The following BBX variants were observed in gnomAD, a reference collection of about 807,000 sequenced individuals.
BBX encodes HMG box transcription factor BBX.
A neutral mutation model predicts 100.2 loss-of-function variants in BBX; 30 were observed. The observed-to-expected ratio is 0.30, with a 90% CI of 0.22 to 0.41. The LOEUF (loss-of-function observed/expected upper bound fraction) is 0.41, where lower values mean the gene tolerates loss of function less well. BBX is among the 10% of genes least tolerant of loss of function. BBX has a pLI of 1.00. For synonymous variants in BBX, 376 were observed against 388.1 expected (o/e 0.97, Z 0.37); for missense variants, 1,023 against 1,129.8 (o/e 0.91, Z 1.35).
intron 2 of BBX, among the ~76,000 whole-genome samples, chr3:107,581,246 T>TTA (rs1011482755): frequency 6.6e-6 from 1 of 152,092 alleles, no homozygotes; most frequent in East Asian, 1.9e-4. Flanking sequence ...TATTATACAC[T>TTA]TATATATATA....
intron 3 of BBX, among the ~76,000 whole-genome samples, chr3:107,670,084 T>A (rs1342162669): frequency 6.6e-6 from 1 of 152,152 alleles, no homozygotes; most frequent in Non-Finnish European, 1.5e-5. Context: ...ATGTTATGTA[T>A]TAGACTTAGC....
At chr3:107,791,687 G>A (rs1435251530) in intron 15 of BBX, among the ~76,000 whole-genome samples, 2 of 152,118 alleles carry the variant, frequency 1.3e-5, no homozygotes, top group Non-Finnish European at 2.9e-5. Flanking sequence ...CTTCTGACCT[G>A]GGTGTTTTCC....
At chr3:107,619,947 G>A (rs1347147509) in intron 2 of BBX, among the ~76,000 whole-genome samples, 1 of 152,070 alleles carries the variant, frequency 6.6e-6, no homozygotes, top group Non-Finnish European at 1.5e-5. Flanking sequence ...CAGTTGGGAA[G>A]TTTTCAGCCA....
At chr3:107,710,403 C>T in intron 3 of BBX, 49 bp from the exon 4 acceptor site, 1 of 1,458,574 alleles carries the variant, frequency 6.9e-7, no homozygotes, top group Non-Finnish European at 9.3e-7. Context: ...CTCGGTGTCT[C>T]TCTTTCTCTC....
At chr3:107,766,912 G>A (rs970725547) in intron 10 of BBX, among the ~76,000 whole-genome samples, 1 of 152,184 alleles carries the variant, frequency 6.6e-6, no homozygotes, top group African/African-American at 2.4e-5. Flanking sequence ...GCAAGGACAT[G>A]GATGAAGCTG....
intron 3 of BBX, among the ~76,000 whole-genome samples, chr3:107,650,096 G>A (rs1379181579): frequency 6.6e-6 from 1 of 152,040 alleles, no homozygotes; most frequent in African/African-American, 2.4e-5. Flanking sequence ...GATTTTTATG[G>A]TGCTGTTCCC....
intron 15 of BBX, among the ~76,000 whole-genome samples, chr3:107,796,393 T>G (rs931166659): frequency 6.6e-6 from 1 of 152,236 alleles, no homozygotes; most frequent in African/African-American, 2.4e-5. Context: ...GTTCTGTACT[T>G]TCCTGGGAAG....
intron 5 of BBX, among the ~76,000 whole-genome samples, chr3:107,718,279 TTG>T (rs1286442184): frequency 3.5e-5 from 5 of 144,512 alleles, no homozygotes; most frequent in Admixed American, 1.4e-4. Flanking sequence ...TATAATATGA[TTG>T]TTAATTATAA....
Position 107,774,829 on chromosome 3 carries a change from A to G in BBX, c.2026A>G (p.Thr676Ala), listed in dbSNP as rs2067195344. ...GTSGSKKFKK[T>A]KPKEDCLLGS... ...CAGTGGGAGCAAGAAGTTCAAGAAGACAAAGCCAAAAGAAGACTGTCTCCT... is the reference window on the plus strand; with the variant it reads ...CAGTGGGAGCAAGAAGTTCAAGAAGGCAAAGCCAAAAGAAGACTGTCTCCT... Residue 676 changes from threonine to alanine, a missense_variant, in exon 12 of 18, where the codon ACA (threonine) becomes GCA (alanine). Physicochemically the swap from Thr to Ala is moderately conservative, Grantham distance 58. Coordinates refer to ENST00000325805, the MANE Select transcript of BBX (RefSeq NM_001142568.3). 1 of 1,613,484 alleles carries G rather than the reference A, an allele frequency of 6.2e-7. No homozygotes were observed. Among genetic ancestry groups the G allele is most frequent in the Admixed American group, 1.7e-5 (1 of 59,940 alleles).
intron 9 of BBX, among the ~76,000 whole-genome samples, chr3:107,755,155 A>G (rs1029544556): frequency 2.0e-5 from 3 of 152,204 alleles, no homozygotes; most frequent in Non-Finnish European, 2.9e-5. Flanking sequence ...GCACATATAT[A>G]TTGGATTCTA....
intron 2 of BBX, among the ~76,000 whole-genome samples, chr3:107,605,610 C>T (rs781645294): frequency 6.6e-6 from 1 of 152,168 alleles, no homozygotes. Flanking sequence ...CTACCACCCT[C>T]TCACCACCCA....
chr3:107,550,883 C>T (rs748931620), intron 2 of BBX, among the ~76,000 whole-genome samples: 4 of 152,136 alleles, frequency 2.6e-5, no homozygotes, highest in Admixed American at 2.0e-4. Context: ...ATTTTAGAGG[C>T]GGAATTGACA....
Position 107,773,169 on chromosome 3 carries a change from T to C in BBX, c.1448T>C (p.Ile483Thr). The C allele has an allele frequency of 6.2e-7, 1 of 1,614,084 alleles. No individual in the cohort carries two copies. Among genetic ancestry groups the C allele is most frequent in the Non-Finnish European group, 8.5e-7 (1 of 1,179,994 alleles). ...CKKRQSSESD[I>T]ESVIYTIEAV... is the part of the protein sequence containing the mutation. ...AAGAGGCAGTCTTCGGAATCTGACA[T>C]TGAGAGCGTCATATATACCATTGAA... is the stretch of plus-strand genomic sequence containing the variant. The change falls in exon 11 of 18, where the codon ATT becomes ACT. Residue 483 changes from isoleucine (I) to threonine (T), a missense_variant. Ile to Thr is a moderately conservative substitution (Grantham distance 89). Coordinates refer to ENST00000325805, the MANE Select transcript of BBX (RefSeq NM_001142568.3). This position sits in a 1 kb window ranked among gnomAD's most constrained non-coding sequence, Gnocchi z 4.1.
At chr3:107,614,438 A>T (rs2055096879) in intron 2 of BBX, among the ~76,000 whole-genome samples, 1 of 151,036 alleles carries the variant, frequency 6.6e-6, no homozygotes, top group Non-Finnish European at 1.5e-5. Context: ...CCCAAAAAAA[A>T]TGGATGTCAA....
intron 2 of BBX, among the ~76,000 whole-genome samples, chr3:107,560,090 C>T (rs1457106433): frequency 6.6e-6 from 1 of 151,992 alleles, no homozygotes; most frequent in African/African-American, 2.4e-5. Flanking sequence ...GTTTTTTCCT[C>T]GTCGACTCAC....
Position 107,728,960 on chromosome 3 carries a change from G to A in BBX, c.601G>A (p.Asp201Asn), listed in dbSNP as rs1423245790. The change falls in exon 6 of 18, where the codon GAT becomes AAT. Residue 201 changes from aspartate to asparagine, a missense_variant and splice_region_variant. Asp to Asn is a conservative substitution (Grantham distance 23). Around this residue, in one of 9 missense-constraint regions of BBX, gnomAD observed 11 missense variants for 31.6 expected, o/e 0.35. Coordinates refer to ENST00000325805, the MANE Select transcript of BBX (RefSeq NM_001142568.3). ...EMPQLNFGMA[D>N]PTQMGGLSML... ...GCCTCAGCTTAACTTTGGAATGGCTGGTGAGTTGAGACACTATTTCCACCT... is the reference window on the plus strand; with the variant it reads ...GCCTCAGCTTAACTTTGGAATGGCTAGTGAGTTGAGACACTATTTCCACCT... 3 of 1,612,534 alleles carry A rather than the reference G, an allele frequency of 1.9e-6. No individual in the cohort carries two copies. The highest frequency in any genetic ancestry group is 1.3e-5 in the African/African-American group (1 of 74,794).
At chr3:107,634,896 CTCTT>C (rs2056762344) in intron 2 of BBX, among the ~76,000 whole-genome samples, 1 of 152,134 alleles carries the variant, frequency 6.6e-6, no homozygotes, top group Non-Finnish European at 1.5e-5. Context: ...AGCAAGTACT[CTCTT>C]TGTCTGGAAT....
rs186330574 is a variant in BBX at position 107,797,652 on chromosome 3, T to G, written c.2354-871T>G. On this transcript the variant is annotated intron_variant, in intron 15 of 17. Coordinates refer to ENST00000325805, the MANE Select transcript of BBX (RefSeq NM_001142568.3). ...CTCATATCTACACATCTTGTCTTACTTTTAAGTTAAGGTCAGGAGGGGGTA... is the reference window on the plus strand; with the variant it reads ...CTCATATCTACACATCTTGTCTTACGTTTAAGTTAAGGTCAGGAGGGGGTA... Among the ~76,000 whole-genome samples, 6 of 152,180 alleles carry G rather than the reference T, an allele frequency of 3.9e-5. No individual in the cohort carries two copies. In the East Asian group the frequency reaches 1.2e-3, roughly 30 times the overall value.
intron 2 of BBX, among the ~76,000 whole-genome samples, chr3:107,592,101 C>A (rs2053360452): frequency 6.6e-6 from 1 of 152,018 alleles, no homozygotes; most frequent in Non-Finnish European, 1.5e-5. Flanking sequence ...AACAGTCTCC[C>A]AGTTTAGTAT....
Sources: gnomAD v4.1 joint callset for allele counts (sites outside exome capture counted in the v4.1 genomes callset) on GRCh38, gnomAD v4.1.1 for gene constraint, gnomAD v4.1.1 regional missense constraint, Gnocchi (gnomAD v3.1) non-coding constraint, MANE v1.5 for transcripts, NCBI Gene and HGNC (gene_info 2026-07-23, HGNC 2026-07-21) for gene names.